The following ZFPM2 variants were observed in gnomAD, a reference collection of about 807,000 sequenced individuals.
ZFPM2 encodes the protein zinc finger protein, FOG family member 2, also known as zinc finger protein ZFPM2.
Under a neutral mutation model 98.6 loss-of-function variants are expected in ZFPM2, and 20 were observed. That is an observed-to-expected ratio of 0.20 (90% CI 0.14 to 0.29). ZFPM2 has a LOEUF of 0.29. Ranked by LOEUF, ZFPM2 falls within the 10% of genes least tolerant of loss-of-function variation. ZFPM2 has a pLI of 1.00. For missense variants in ZFPM2, 1,310 were observed against 1,388.6 expected, an observed-to-expected ratio of 0.94 and a Z score of 0.90; for synonymous variants, 518 against 502.7, an observed-to-expected ratio of 1.03 and a Z score of -0.41.
At chr8:105,498,761 G>C (rs1025429128) in intron 3 of ZFPM2, among the ~76,000 whole-genome samples, 1 of 152,164 alleles carries the variant, frequency 6.6e-6, no homozygotes, top group African/African-American at 2.4e-5. Flanking sequence ...GAGCTTGGTT[G>C]GGAGGATGGG....
At chr8:105,466,025 CTCTT>C (rs1812790365) in intron 3 of ZFPM2, among the ~76,000 whole-genome samples, 1 of 151,936 alleles carries the variant, frequency 6.6e-6, no homozygotes, top group African/African-American at 2.4e-5. Context: ...TGCTGTATGT[CTCTT>C]TCTGTTGTAG....
At chr8:105,794,988 C>CCTTT (rs1352158764) in intron 6 of ZFPM2, among the ~76,000 whole-genome samples, 6 of 152,240 alleles carry the variant, frequency 3.9e-5, no homozygotes, top group Admixed American at 3.3e-4. Context: ...GTCTGTCACC[C>CCTTT]CTTTCTTTGA....
At chr8:105,563,035 T>G (rs1366196881) in intron 4 of ZFPM2, among the ~76,000 whole-genome samples, 1 of 152,182 alleles carries the variant, frequency 6.6e-6, no homozygotes, top group Non-Finnish European at 1.5e-5. Context: ...TTATAAGTAT[T>G]TATTCCCCTG....
intron 5 of ZFPM2, among the ~76,000 whole-genome samples, chr8:105,691,366 A>T (rs1433015372): frequency 7.2e-6 from 1 of 138,358 alleles, no homozygotes; most frequent in African/African-American, 2.8e-5. Context: ...CTCCTGCCTC[A>T]GCCTCCCGAG....
intron 3 of ZFPM2, among the ~76,000 whole-genome samples, chr8:105,448,254 A>G (rs1263969767): frequency 6.6e-6 from 1 of 152,006 alleles, no homozygotes; most frequent in African/African-American, 2.4e-5. Flanking sequence ...TAATTCACAG[A>G]ACATTTGCTC....
intron 5 of ZFPM2, among the ~76,000 whole-genome samples, chr8:105,679,892 TA>T (rs1237762226): frequency 2.0e-5 from 3 of 152,146 alleles, no homozygotes; most frequent in Admixed American, 6.5e-5. Context: ...TTGGGCTTTT[TA>T]AAAAGGAAAA....
chr8:105,400,492 G>C (rs771713866), intron 1 of ZFPM2, among the ~76,000 whole-genome samples: 2 of 151,518 alleles, frequency 1.3e-5, no homozygotes, highest in Non-Finnish European at 2.9e-5. Flanking sequence ...CAATTCCCAC[G>C]AAATTTATTT....
chr8:105,763,939 C>A (rs544574727), intron 5 of ZFPM2, among the ~76,000 whole-genome samples: 2 of 151,790 alleles, frequency 1.3e-5, no homozygotes, highest in Non-Finnish European at 2.9e-5. Flanking sequence ...ATTAGCATAG[C>A]AGAGAAGCTT....
chr8:105,718,334 G>C (rs1199286534), intron 5 of ZFPM2, among the ~76,000 whole-genome samples: 1 of 151,874 alleles, frequency 6.6e-6, no homozygotes, highest in East Asian at 1.9e-4. Context: ...AGTTTCTTCT[G>C]TCTGATGTAA....
intron 6 of ZFPM2, among the ~76,000 whole-genome samples, chr8:105,794,950 G>T (rs1813744949): frequency 6.6e-6 from 1 of 152,150 alleles, no homozygotes; most frequent in Non-Finnish European, 1.5e-5. Context: ...CAGTATTCGG[G>T]TGGGAGTGAC....
chr8:105,402,802 A>G (rs1211659541), intron 1 of ZFPM2, among the ~76,000 whole-genome samples: 1 of 152,074 alleles, frequency 6.6e-6, no homozygotes, highest in African/African-American at 2.4e-5. Context: ...CTTAATGGCT[A>G]ATTATTTATC....
In ZFPM2 at chr8:105,373,451, C is replaced by T. The variant is rs114187100; in HGVS notation, c.41-45693C>T. Among the ~76,000 whole-genome samples, 267 of 152,252 alleles carry T rather than the reference C, an allele frequency of 1.8e-3. 2 individuals are homozygous for T. The highest frequency in any genetic ancestry group is 5.8e-3 in the African/African-American group (242 of 41,538). ...ATCGTTTTTTTCTCCTGAAATCTCA[C>T]GCCATTTCTTAAAGGCATCTGATGG... On this transcript the variant is annotated intron_variant, in intron 1 of 7. Transcript: ENST00000407775.
chr8:105,584,008 A>G (rs577851526), intron 4 of ZFPM2, among the ~76,000 whole-genome samples: 1 of 152,218 alleles, frequency 6.6e-6, no homozygotes, highest in Non-Finnish European at 1.5e-5. Flanking sequence ...TTTATTAAAA[A>G]AATTCCTCAT....
intron 1 of ZFPM2, among the ~76,000 whole-genome samples, chr8:105,328,770 A>G (rs1437220659): frequency 6.6e-6 from 1 of 151,764 alleles, no homozygotes; most frequent in Non-Finnish European, 1.5e-5. Flanking sequence ...GACATTCTCA[A>G]ATTCTCATTT....
At chr8:105,443,319 C>CAAAAAAAA (rs1466026465) in intron 2 of ZFPM2, among the ~76,000 whole-genome samples, 3 of 124,836 alleles carry the variant, frequency 2.4e-5, no homozygotes, top group African/African-American at 7.0e-5. Context: ...TCTCAAAAAA[C>CAAAAAAAA]AAAAAACAAA....
intron 3 of ZFPM2, among the ~76,000 whole-genome samples, chr8:105,502,293 G>A (rs1367026457): frequency 1.3e-5 from 2 of 152,050 alleles, no homozygotes; most frequent in Non-Finnish European, 2.9e-5. Flanking sequence ...GAAAGCATGG[G>A]AAGTAAGGAT....
chr8:105,507,535 C>T (rs947858279), intron 3 of ZFPM2, among the ~76,000 whole-genome samples: 7 of 152,170 alleles, frequency 4.6e-5, no homozygotes, highest in African/African-American at 1.7e-4. Context: ...CAAAGTGTTG[C>T]ATGTGAAATT....
intron 5 of ZFPM2, among the ~76,000 whole-genome samples, chr8:105,660,180 T>TTCTAAGGA (rs1306663335): frequency 6.6e-6 from 1 of 152,210 alleles, no homozygotes; most frequent in African/African-American, 2.4e-5. Context: ...ATCCTTGGGC[T>TTCTAAGGA]TAAAGGACCG....
At chr8:105,510,398 G>GTT (rs756888707) in intron 3 of ZFPM2, among the ~76,000 whole-genome samples, 3 of 138,862 alleles carry the variant, frequency 2.2e-5, no homozygotes, top group African/African-American at 5.2e-5. Context: ...GTCTGTGCAT[G>GTT]TTTTTTTTTT....
Sources: gnomAD v4.1 joint callset for allele counts (sites outside exome capture counted in the v4.1 genomes callset) on GRCh38, gnomAD v4.1.1 for gene constraint, MANE v1.5 for transcripts, NCBI Gene and HGNC (gene_info 2026-07-23, HGNC 2026-07-21) for gene names.